The following FRMD4A variants were observed in gnomAD, a reference collection of about 807,000 sequenced individuals.
FRMD4A encodes the protein FERM domain-containing protein 4A.
Under a neutral mutation model 129.1 loss-of-function variants are expected in FRMD4A, and 29 were observed. The observed-to-expected ratio is 0.22, with a 90% CI of 0.17 to 0.31. The LOEUF is 0.31. Among genes scored for constraint, FRMD4A ranks in the 10% least tolerant of loss-of-function variants. The pLI is 1.00. For synonymous variants in FRMD4A, 634 were observed against 571.6 expected (o/e 1.11, Z -1.56); for missense variants, 1,272 against 1,375.8 (o/e 0.92, Z 1.19).
chr10:14,249,594 G>C (rs1402579111), intron 2 of FRMD4A, among the ~76,000 whole-genome samples: 2 of 152,078 alleles, frequency 1.3e-5, no homozygotes, highest in Admixed American at 6.5e-5. Flanking sequence ...CCATAACAAT[G>C]TCTATTTCTT....
At chr10:13,782,608 T>G (rs2092765063) in intron 6 of FRMD4A, among the ~76,000 whole-genome samples, 1 of 152,136 alleles carries the variant, frequency 6.6e-6, no homozygotes, top group African/African-American at 2.4e-5. Flanking sequence ...CATGCCTAGC[T>G]AATTTTTATA....
At position 14,199,892 on chromosome 10, in the gene FRMD4A, T is replaced by C. The variant is rs115631674; in HGVS notation, c.45+130166A>G. 2.1e-3 allele frequency among the ~76,000 whole-genome samples: 313 copies of C among 151,034 alleles called. 7 individuals carry two copies. Among genetic ancestry groups the C allele is most frequent in the African/African-American group, 7.4e-3 (305 of 41,470 alleles). Reference sequence around the variant, plus strand: ...AAAAATTTTACTAAAATTTTAAAAATTATGTTTTTGTTGGCAAATAATCAT... The same window carrying C: ...AAAAATTTTACTAAAATTTTAAAAACTATGTTTTTGTTGGCAAATAATCAT... On this transcript the variant is annotated intron_variant, in intron 2 of 24. Coordinates refer to ENST00000357447, the MANE Select transcript of FRMD4A (RefSeq NM_018027.5).
At chr10:13,814,099 T>TC (rs1466310122) in intron 3 of FRMD4A, among the ~76,000 whole-genome samples, 1 of 151,796 alleles carries the variant, frequency 6.6e-6, no homozygotes, top group Non-Finnish European at 1.5e-5. Flanking sequence ...ATTTTTTTTT[T>TC]CAAATGCCAA....
At chr10:13,649,646 G>A (rs2081387754) in intron 24 of FRMD4A, 1 of 152,222 alleles carries the variant, frequency 6.6e-6, no homozygotes, top group Non-Finnish European at 1.5e-5. Context: ...AAGTACGTAA[G>A]GTATTTTTAA....
At chr10:14,084,236 T>C (rs1205935294) in intron 2 of FRMD4A, among the ~76,000 whole-genome samples, 2 of 152,216 alleles carry the variant, frequency 1.3e-5, no homozygotes, top group African/African-American at 4.8e-5. Context: ...AACCTCCGCC[T>C]CCTGGGTTCA....
chr10:13,772,039 C>T (rs1185024230), intron 6 of FRMD4A, among the ~76,000 whole-genome samples: 1 of 150,956 alleles, frequency 6.6e-6, no homozygotes, highest in African/African-American at 2.4e-5. Context: ...ATTGCATGAA[C>T]CCAGGAGGCA....
chr10:14,128,627 G>A (rs57764279), intron 2 of FRMD4A, among the ~76,000 whole-genome samples: 23,773 of 152,116 alleles, frequency 0.16, 2,110 homozygotes, highest in Non-Finnish European at 0.2. Context: ...TAAGATCTAA[G>A]ATTTTCTGCC....
chr10:13,662,824 T>C (rs2082735189), intron 19 of FRMD4A, among the ~76,000 whole-genome samples: 1 of 152,232 alleles, frequency 6.6e-6, no homozygotes, highest in African/African-American at 2.4e-5. Context: ...CTTTGATTTG[T>C]GATCTAAATC....
In FRMD4A at chr10:13,729,941, G is replaced by A. The variant is rs527959159; in HGVS notation, c.759+7903C>T. On this transcript the variant is annotated intron_variant, in intron 12 of 24. Transcript: ENST00000357447. ...AAGGGAGGCTTTTTTGGAGTTATGT[G>A]CTTCACAATATTTGCTCTAATGCTT... Among the ~76,000 whole-genome samples the A allele has an allele frequency of 3.3e-5, 5 of 152,288 alleles. No homozygotes were observed. In the South Asian group the frequency reaches 1.0e-3, roughly 32 times the overall value.
chr10:14,116,297 G>T (rs1005608928), intron 2 of FRMD4A, among the ~76,000 whole-genome samples: 2 of 152,206 alleles, frequency 1.3e-5, no homozygotes, highest in African/African-American at 4.8e-5. Flanking sequence ...AAACCGCCAC[G>T]ACAGTTTATT....
chr10:13,670,993 G>A (rs2134715072), intron 16 of FRMD4A, among the ~76,000 whole-genome samples: 1 of 152,236 alleles, frequency 6.6e-6, no homozygotes, highest in African/African-American at 2.4e-5. Flanking sequence ...TAAGTTTAAA[G>A]TTTCCTTCAA....
chr10:14,110,618 A>C (rs899291221), intron 2 of FRMD4A, among the ~76,000 whole-genome samples: 1 of 149,860 alleles, frequency 6.7e-6, no homozygotes, highest in Admixed American at 6.7e-5. Flanking sequence ...ATATTAGAGC[A>C]GCTTTCTTGC....
chr10:14,026,572 T>A (rs192633681), intron 2 of FRMD4A, among the ~76,000 whole-genome samples: 336 of 152,338 alleles, frequency 2.2e-3, no homozygotes, highest in African/African-American at 7.4e-3. Context: ...CTGAGATGAA[T>A]GTCTTCAATA....
Position 13,654,457 on chromosome 10 carries a change from G to T in FRMD4A, c.3009C>A (p.Thr1003=). Residue 1003 remains threonine, a synonymous_variant, in exon 23 of 25, where the codon ACC becomes ACA. Coordinates refer to ENST00000357447, the MANE Select transcript of FRMD4A (RefSeq NM_018027.5). ...GGATGTGGTGGGGGCTGCTTGGGGG[G>T]GTGGCTCCAATTTCACTTGACGGTG... is the stretch of plus-strand genomic sequence containing the variant. ...SSTPSSEIGA[T]PPSSPHHILT... 6.2e-7 allele frequency: 1 copy of T among 1,613,656 alleles called. No individual in the cohort carries two copies. The highest frequency in any genetic ancestry group is 8.5e-7 in the Non-Finnish European group (1 of 1,179,608).
intron 2 of FRMD4A, among the ~76,000 whole-genome samples, chr10:14,290,383 C>G (rs932358214): frequency 2.0e-5 from 3 of 151,944 alleles, no homozygotes; most frequent in African/African-American, 7.2e-5. Flanking sequence ...AACAGACATA[C>G]ATACCAATGG....
chr10:14,133,487 A>T (rs536239169), intron 2 of FRMD4A, among the ~76,000 whole-genome samples: 1 of 152,288 alleles, frequency 6.6e-6, no homozygotes, highest in East Asian at 1.9e-4. Context: ...CTCAACAAGA[A>T]GCAGGACTAC....
At chr10:14,233,826 G>A (rs1477913043) in intron 2 of FRMD4A, among the ~76,000 whole-genome samples, 2 of 152,350 alleles carry the variant, frequency 1.3e-5, no homozygotes, top group East Asian at 3.9e-4. Context: ...AATTTCAAGA[G>A]CTAAAGTCAG....
chr10:13,818,294 G>T (rs781158582), intron 3 of FRMD4A, among the ~76,000 whole-genome samples: 1 of 151,948 alleles, frequency 6.6e-6, no homozygotes, highest in Non-Finnish European at 1.5e-5. Flanking sequence ...TCCTGAGTAG[G>T]GGGGGACTAC....
At chr10:13,989,419 C>A (rs4748071) in intron 2 of FRMD4A, among the ~76,000 whole-genome samples, 52,092 of 151,704 alleles carry the variant, frequency 0.34, 9,574 homozygotes, top group East Asian at 0.72. Context: ...GTAGTGGCGC[C>A]ATCTTGGCTC....
Sources: gnomAD v4.1 joint callset for allele counts (sites outside exome capture counted in the v4.1 genomes callset) on GRCh38, gnomAD v4.1.1 for gene constraint, MANE v1.5 for transcripts, NCBI Gene and HGNC (gene_info 2026-07-23, HGNC 2026-07-21) for gene names.